CACNA2D3: variants seen among roughly 807,000 people sequenced by gnomAD.
The protein encoded by CACNA2D3 is voltage-dependent calcium channel subunit alpha-2/delta-3.
A neutral mutation model predicts 160.6 loss-of-function variants in CACNA2D3; 60 were observed. The observed-to-expected ratio is 0.37, with a 90% CI of 0.30 to 0.46. The LOEUF is 0.46. Among genes scored for constraint, CACNA2D3 ranks in the 20% least tolerant of loss-of-function variants. CACNA2D3 has a pLI of 1.00. For synonymous variants in CACNA2D3, 558 were observed against 492.9 expected (o/e 1.13, Z -1.75); for missense variants, 1,205 against 1,365.0 (o/e 0.88, Z 1.85).
intron 17 of CACNA2D3, among the ~76,000 whole-genome samples, chr3:54,855,676 T>G (rs1347813421): frequency 2.0e-5 from 3 of 152,206 alleles, no homozygotes; most frequent in Non-Finnish European, 2.9e-5. Flanking sequence ...CTGTCCTTTA[T>G]TGATTGATTC....
intron 14 of CACNA2D3, among the ~76,000 whole-genome samples, chr3:54,820,664 T>G (rs1284562938): frequency 6.6e-6 from 1 of 152,134 alleles, no homozygotes; most frequent in Non-Finnish European, 1.5e-5. Flanking sequence ...TTCTTCTGGG[T>G]GGAAATTGGA....
chr3:54,459,167 A>T (rs1700453348), intron 4 of CACNA2D3, among the ~76,000 whole-genome samples: 1 of 151,998 alleles, frequency 6.6e-6, no homozygotes, highest in South Asian at 2.1e-4. Context: ...AATCCAGTCT[A>T]TCATTGTTGG....
intron 13 of CACNA2D3, among the ~76,000 whole-genome samples, chr3:54,777,251 C>T (rs1431604133): frequency 1.3e-5 from 2 of 152,212 alleles, no homozygotes; most frequent in African/African-American, 4.8e-5. Flanking sequence ...CCTGACTTGG[C>T]CTCTTAGCCT....
intron 2 of CACNA2D3, among the ~76,000 whole-genome samples, chr3:54,187,085 G>A (rs1394491298): frequency 2.0e-5 from 3 of 152,156 alleles, no homozygotes; most frequent in Non-Finnish European, 4.4e-5. Context: ...GCTGTCCCTG[G>A]GAGTGCTGTA....
At chr3:54,234,940 A>G (rs1479841992) in intron 2 of CACNA2D3, among the ~76,000 whole-genome samples, 2 of 152,160 alleles carry the variant, frequency 1.3e-5, no homozygotes, top group Non-Finnish European at 2.9e-5. Flanking sequence ...ATGAAATAAT[A>G]TGTACAACAA....
chr3:54,736,011 A>G (rs373848384), intron 11 of CACNA2D3, among the ~76,000 whole-genome samples: 2,406 of 85,530 alleles, frequency 0.028, 121 homozygotes, highest in Non-Finnish European at 0.045. Context: ...ATATATGTAT[A>G]TATATACACA....
intron 14 of CACNA2D3, among the ~76,000 whole-genome samples, chr3:54,825,706 AATTGC>A (rs1329738975): frequency 6.6e-6 from 1 of 152,384 alleles, no homozygotes; most frequent in Non-Finnish European, 1.5e-5. Context: ...TTTATTTTCT[AATTGC>A]ATTAGAGAAA....
chr3:54,738,414 C>T (rs13068008), intron 11 of CACNA2D3, among the ~76,000 whole-genome samples: 34,142 of 152,162 alleles, frequency 0.22, 4,036 homozygotes, highest in South Asian at 0.29. Context: ...TCCCTAGTCT[C>T]CCAACTGAAG....
At chr3:54,659,797 C>G (rs1308409314) in intron 11 of CACNA2D3, among the ~76,000 whole-genome samples, 2 of 152,166 alleles carry the variant, frequency 1.3e-5, no homozygotes, top group Non-Finnish European at 2.9e-5. Context: ...TGTTTGTCTT[C>G]TTTAGTAAAC....
At chr3:54,856,423 G>T (rs1230397009) in intron 17 of CACNA2D3, among the ~76,000 whole-genome samples, 2 of 152,096 alleles carry the variant, frequency 1.3e-5, no homozygotes, top group Non-Finnish European at 2.9e-5. Context: ...ATTTGTGTGT[G>T]ACTGGAACCC....
intron 2 of CACNA2D3, among the ~76,000 whole-genome samples, chr3:54,276,586 A>G (rs7373444): frequency 6.8e-6 from 1 of 146,606 alleles, no homozygotes; most frequent in South Asian, 2.2e-4. Context: ...AAAAAAAAAA[A>G]AAAAGAAGAA....
At chr3:54,415,810 A>AG (rs796160558) in intron 4 of CACNA2D3, among the ~76,000 whole-genome samples, 3 of 152,330 alleles carry the variant, frequency 2.0e-5, no homozygotes, top group African/African-American at 7.2e-5. Context: ...ATCACACCTA[A>AG]GTCTTTCTGG....
intron 4 of CACNA2D3, among the ~76,000 whole-genome samples, chr3:54,470,095 T>G (rs1700703150): frequency 6.6e-6 from 1 of 151,916 alleles, no homozygotes; most frequent in Admixed American, 6.6e-5. Context: ...ACAAAGATAC[T>G]CCTCAAGAAG....
chr3:54,770,411 T>C (rs1702299607), intron 13 of CACNA2D3, among the ~76,000 whole-genome samples: 1 of 152,242 alleles, frequency 6.6e-6, no homozygotes, highest in Admixed American at 6.5e-5. Context: ...TTGATGTTAG[T>C]TCTGTTTTAG....
intron 4 of CACNA2D3, among the ~76,000 whole-genome samples, chr3:54,439,327 GTGTGTT>G (rs1700108024): frequency 6.6e-6 from 1 of 152,056 alleles, no homozygotes; most frequent in Non-Finnish European, 1.5e-5. Flanking sequence ...GTGTGTGTGT[GTGTGTT>G]TGTGTGTGAA....
intron 30 of CACNA2D3, among the ~76,000 whole-genome samples, chr3:54,984,883 AG>A (rs1027146703): frequency 6.6e-6 from 1 of 152,122 alleles, no homozygotes; most frequent in African/African-American, 2.4e-5. Flanking sequence ...TGGGGGGTGC[AG>A]GGGGGTGACA....
intron 14 of CACNA2D3, among the ~76,000 whole-genome samples, chr3:54,820,114 C>T (rs1488425936): frequency 6.6e-6 from 1 of 152,156 alleles, no homozygotes; most frequent in East Asian, 1.9e-4. Flanking sequence ...CAGCTTTGGC[C>T]TACTTTTCAC....
chr3:54,544,137 A>G (rs938913311), intron 5 of CACNA2D3, among the ~76,000 whole-genome samples: 20 of 152,174 alleles, frequency 1.3e-4, no homozygotes, highest in East Asian at 9.6e-4. Context: ...CTAATTAACT[A>G]TGTTTTATCT....
intron 4 of CACNA2D3, among the ~76,000 whole-genome samples, chr3:54,438,709 T>C (rs1487751093): frequency 6.6e-6 from 1 of 152,194 alleles, no homozygotes; most frequent in Non-Finnish European, 1.5e-5. Context: ...GTAATCATAA[T>C]AGTGAGAGAC....
Sources: gnomAD v4.1 joint callset for allele counts (sites outside exome capture counted in the v4.1 genomes callset) on GRCh38, gnomAD v4.1.1 for gene constraint, MANE v1.5 for transcripts, NCBI Gene and HGNC (gene_info 2026-07-23, HGNC 2026-07-21) for gene names.